Variants in FAM163A observed in about 807,000 individuals in gnomAD.
FAM163A encodes the protein protein FAM163A.
FAM163A carries 7 observed loss-of-function variants against 12.0 expected under a neutral mutation model. The ratio of observed to expected loss-of-function variants is 0.58; its 90% CI spans 0.33 to 1.10. The LOEUF is 1.10. Among genes scored for constraint, FAM163A ranks in the 50% least tolerant of loss-of-function variants. FAM163A has a pLI of 0.03. For missense variants in FAM163A, 202 were observed against 218.6 expected (o/e 0.92, Z 0.48); for synonymous variants, 101 against 91.0 (o/e 1.11, Z -0.62).
At chr1:179,790,685 A>G (rs143475832) in intron 1 of FAM163A, among the ~76,000 whole-genome samples, 13 of 152,294 alleles carry the variant, frequency 8.5e-5, no homozygotes, top group African/African-American at 2.4e-4. Flanking sequence ...TCCTGACCTC[A>G]GGTGATCTGC....
chr1:179,813,482 G>T (rs956669939), intron 4 of FAM163A, among the ~76,000 whole-genome samples: 5 of 152,170 alleles, frequency 3.3e-5, no homozygotes, highest in Non-Finnish European at 5.9e-5. Flanking sequence ...ACCATTCTGG[G>T]GAGGCTCTGA....
intron 1 of FAM163A, among the ~76,000 whole-genome samples, chr1:179,788,007 GACA>G (rs1459742243): frequency 6.6e-6 from 1 of 152,338 alleles, no homozygotes; most frequent in East Asian, 1.9e-4. Flanking sequence ...GATTCTAGGA[GACA>G]ACAAGTTAAT....
chr1:179,750,916 G>C lies in FAM163A; in HGVS notation c.-136+7493G>C, dbSNP rs146849431. ...GTGAGAAATTCGAGATGGTAAAATG[G>C]AGAGGAAGTGATGGTTTGGATGTGA... On this transcript the variant is annotated intron_variant, in intron 1 of 4. Transcript: ENST00000341785. Among the ~76,000 whole-genome samples, 25 of 152,296 alleles carry C rather than the reference G, an allele frequency of 1.6e-4. No individual in the cohort carries two copies. The East Asian group carries it at 4.3e-3, about 26-fold the overall frequency.
chr1:179,756,687 T>C (rs1007763810), intron 1 of FAM163A, among the ~76,000 whole-genome samples: 1 of 152,050 alleles, frequency 6.6e-6, no homozygotes, highest in Non-Finnish European at 1.5e-5. Context: ...AGCAGGTGAG[T>C]GCCTAAGGCA....
intron 1 of FAM163A, among the ~76,000 whole-genome samples, chr1:179,755,906 G>T (rs1685957647): frequency 6.6e-6 from 1 of 152,158 alleles, no homozygotes; most frequent in African/African-American, 2.4e-5. Context: ...CCACCTCTCT[G>T]CTGAAGTCTT....
chr1:179,806,916 C>T (rs536062297), intron 1 of FAM163A, among the ~76,000 whole-genome samples: 82 of 152,206 alleles, frequency 5.4e-4, no homozygotes, highest in African/African-American at 1.9e-3. Flanking sequence ...CCAGCCTGGC[C>T]AATGTGGTGA....
chr1:179,728,331 T>G, the FAM163A span, among the ~76,000 whole-genome samples: 1 of 152,164 alleles, frequency 6.6e-6, no homozygotes, highest in African/African-American at 2.4e-5. Flanking sequence ...TAAAAGTTAC[T>G]TTTTCAGGAA....
chr1:179,778,496 T>C (rs1187052235), intron 1 of FAM163A, among the ~76,000 whole-genome samples: 1 of 152,114 alleles, frequency 6.6e-6, no homozygotes, highest in East Asian at 1.9e-4. Context: ...CTGCAGTTCA[T>C]GCAAAGGAGT....
intron 1 of FAM163A, among the ~76,000 whole-genome samples, chr1:179,782,564 G>A (rs1380252437): frequency 6.6e-6 from 1 of 152,090 alleles, no homozygotes; most frequent in African/African-American, 2.4e-5. Context: ...AGAGGCCGTT[G>A]GCCAGGGTTC....
At chr1:179,735,024 T>C in the FAM163A span, among the ~76,000 whole-genome samples, 2 of 152,192 alleles carry the variant, frequency 1.3e-5, no homozygotes, top group Admixed American at 6.5e-5. Context: ...AAGTTTATAT[T>C]AGAACTTACT....
the FAM163A span, among the ~76,000 whole-genome samples, chr1:179,732,740 G>T: frequency 6.6e-6 from 1 of 151,830 alleles, no homozygotes; most frequent in African/African-American, 2.4e-5. Flanking sequence ...AATTAGCCAG[G>T]CGTGGTGGTG....
At chr1:179,783,747 T>TATA (rs1557940183) in intron 1 of FAM163A, among the ~76,000 whole-genome samples, 2 of 85,364 alleles carry the variant, frequency 2.3e-5, no homozygotes, top group African/African-American at 1.4e-4. Context: ...AGCCCAAATA[T>TATA]TATATATATA....
intron 1 of FAM163A, among the ~76,000 whole-genome samples, chr1:179,806,615 C>G (rs1693970319): frequency 6.6e-6 from 1 of 152,204 alleles, no homozygotes; most frequent in Non-Finnish European, 1.5e-5. Context: ...TTAGCCCTGT[C>G]CCCTTGGGAA....
At chr1:179,770,288 A>C (rs1022036366) in intron 1 of FAM163A, among the ~76,000 whole-genome samples, 1 of 152,068 alleles carries the variant, frequency 6.6e-6, no homozygotes, top group Non-Finnish European at 1.5e-5. Context: ...ATATTTGCTC[A>C]TTCATGGCCA....
intron 1 of FAM163A, among the ~76,000 whole-genome samples, chr1:179,758,144 G>A (rs750232527): frequency 2.6e-5 from 4 of 151,996 alleles, no homozygotes; most frequent in African/African-American, 4.8e-5. Context: ...ACAGAACTGC[G>A]TAGCTGGCTG....
intron 4 of FAM163A, 48 bp downstream of exon 4, chr1:179,813,238 C>T (rs1694950135): frequency 1.3e-6 from 2 of 1,521,198 alleles, no homozygotes; most frequent in Non-Finnish European, 1.8e-6. Flanking sequence ...CACCAGCAAA[C>T]CTCTTTTTCA....
intron 1 of FAM163A, among the ~76,000 whole-genome samples, chr1:179,803,636 T>C (rs1693503504): frequency 6.6e-6 from 1 of 152,044 alleles, no homozygotes. Flanking sequence ...TGGCGCCATC[T>C]CAGCTCACTG....
At chr1:179,779,390 G>T (rs1226619019) in intron 1 of FAM163A, among the ~76,000 whole-genome samples, 5 of 152,154 alleles carry the variant, frequency 3.3e-5, no homozygotes, top group Non-Finnish European at 7.3e-5. Flanking sequence ...TGTGGTTAAA[G>T]CAGGCCTTGG....
intron 1 of FAM163A, among the ~76,000 whole-genome samples, chr1:179,802,449 C>T (rs971709078): frequency 6.6e-6 from 1 of 152,190 alleles, no homozygotes; most frequent in Admixed American, 6.5e-5. Flanking sequence ...TAGCATCTAC[C>T]TGAGTTTACG....
Sources: gnomAD v4.1 joint callset for allele counts (sites outside exome capture counted in the v4.1 genomes callset) on GRCh38, gnomAD v4.1.1 for gene constraint, MANE v1.5 for transcripts, NCBI Gene and HGNC (gene_info 2026-07-23, HGNC 2026-07-21) for gene names.